The following TMEM164 variants were observed in gnomAD, a reference collection of about 807,000 sequenced individuals.
TMEM164 encodes RP13-360B22.2.
Under a neutral mutation model 18.8 loss-of-function variants are expected in TMEM164, and 4 were observed. The ratio of observed to expected loss-of-function variants is 0.21; its 90% CI spans 0.10 to 0.49. TMEM164 has a LOEUF of 0.49. Ranked by LOEUF, TMEM164 falls within the 20% of genes least tolerant of loss-of-function variation. The pLI is 0.98. For synonymous variants in TMEM164, 86 were observed against 101.7 expected (o/e 0.85, Z 0.93); for missense variants, 108 against 239.9 (o/e 0.45, Z 3.63).
chrX:110,149,987 A>G, intron 5 of TMEM164, among the ~76,000 whole-genome samples: 1 of 111,918 alleles, frequency 8.9e-6, no homozygotes, highest in East Asian at 2.8e-4. Context: ...CCTGATAAGC[A>G]AAAATCAGAC....
chrX:110,141,750 A>T (rs1185832954), intron 4 of TMEM164, among the ~76,000 whole-genome samples: 1 of 112,449 alleles, frequency 8.9e-6, no homozygotes, highest in South Asian at 3.7e-4. Context: ...ATAAGTACTT[A>T]AATATGATTT....
intron 5 of TMEM164, among the ~76,000 whole-genome samples, chrX:110,154,583 C>A (rs1300851869): frequency 9.0e-6 from 1 of 111,344 alleles, no homozygotes; most frequent in African/African-American, 3.3e-5. Flanking sequence ...CCACGCCCGG[C>A]TAGTTTTTGC....
intron 4 of TMEM164, among the ~76,000 whole-genome samples, chrX:110,141,637 C>T (rs2066772046): frequency 8.9e-6 from 1 of 111,940 alleles, no homozygotes; most frequent in South Asian, 3.7e-4. Context: ...TCCCACAGCA[C>T]GTGGGAATTA....
chrX:110,154,845 A>G (rs2066994500), intron 5 of TMEM164, among the ~76,000 whole-genome samples: 1 of 111,773 alleles, frequency 8.9e-6, no homozygotes. Context: ...CTTGCTAGTT[A>G]GTTCTGGCAT....
At chrX:110,167,150 T>TA (rs1007243639) in intron 5 of TMEM164, among the ~76,000 whole-genome samples, 7 of 111,863 alleles carry the variant, frequency 6.3e-5, no homozygotes, top group Non-Finnish European at 1.3e-4. Flanking sequence ...GTCGCCATGA[T>TA]AAAAAATAGC....
chrX:110,113,851 C>T (rs956306085), intron 4 of TMEM164, among the ~76,000 whole-genome samples: 22 of 111,898 alleles, frequency 2.0e-4, no homozygotes, highest in African/African-American at 6.2e-4. Context: ...GCCCATATTA[C>T]AAGTAAGTGC....
chrX:110,020,643 C>T, intron 2 of TMEM164: 1 of 753,895 alleles, frequency 1.3e-6, no homozygotes, highest in African/African-American at 2.3e-5. Context: ...GAGGGTGAGG[C>T]CAAGGAGGAC....
At position 110,175,663 on chromosome X, in the gene TMEM164, G is replaced by A. The variant is rs931260815; in HGVS notation, c.*2212G>A. ...GCCAGAGACAGATCCACCTGTCAGA[G>A]GAAGGAAGAAGTAAAGGGGGCATGC... is the stretch of plus-strand genomic sequence containing the variant. On this transcript the variant is annotated 3_prime_UTR_variant, in exon 7 of 7. Coordinates refer to ENST00000372068, the MANE Select transcript of TMEM164 (RefSeq NM_032227.4). 1 of 674,603 alleles carries A rather than the reference G, an allele frequency of 1.5e-6. No homozygotes were observed. The highest frequency in any genetic ancestry group is 1.8e-6 in the Non-Finnish European group (1 of 566,329). The allele number at this position is 674,603 out of a possible 1,213,427, so 55.6% of individuals were successfully genotyped here.
Position 110,087,989 on chromosome X carries a change from G to A in TMEM164, c.440+20593G>A, listed in dbSNP as rs750849281. ...GCATGGGGGTGGGCATGAGGAACTG[G>A]GGCAGCCTGACACGTGATCTTGGCA... On this transcript the variant is annotated intron_variant, in intron 3 of 6. Coordinates refer to ENST00000372068, the MANE Select transcript of TMEM164 (RefSeq NM_032227.4). Among the ~76,000 whole-genome samples the A allele has an allele frequency of 1.1e-4, 12 of 111,939 alleles. No individual in the cohort carries two copies. In the South Asian group the frequency reaches 4.5e-3, roughly 42 times the overall value.
intron 5 of TMEM164, among the ~76,000 whole-genome samples, chrX:110,169,511 T>A (rs1257445272): frequency 9.0e-6 from 1 of 111,094 alleles, no homozygotes; most frequent in Non-Finnish European, 1.9e-5. Context: ...TCTGCTTGAG[T>A]CCATCCCCTG....
intron 2 of TMEM164, among the ~76,000 whole-genome samples, chrX:110,014,381 G>A (rs1038272873): frequency 1.8e-5 from 2 of 111,756 alleles, no homozygotes; most frequent in South Asian, 3.7e-4. Flanking sequence ...TAATTTCTGC[G>A]GGACAGGGTT....
intron 2 of TMEM164, among the ~76,000 whole-genome samples, chrX:110,016,681 A>G (rs1933391176): frequency 9.1e-6 from 1 of 109,793 alleles, no homozygotes; most frequent in Non-Finnish European, 1.9e-5. Flanking sequence ...TTTTGAAACA[A>G]CGTCTTGCTC....
At chrX:110,171,552 C>G (rs1261873169) in intron 6 of TMEM164, 32 bp downstream of exon 6, 2 of 1,077,212 alleles carry the variant, frequency 1.9e-6, no homozygotes, top group Non-Finnish European at 1.3e-6. Flanking sequence ...TCTATCCCCT[C>G]TGTTTGCAGT....
chrX:110,045,283 A>G lies in TMEM164; in HGVS notation c.391-22064A>G, dbSNP rs754286786. On this transcript the variant is annotated intron_variant, in intron 2 of 6. Transcript: ENST00000372068. ...AATGGTGTTTCCTCTGTAATATGAC[A>G]TATTTAGATTCTTTTACCAGTTTAA... Among the ~76,000 whole-genome samples the G allele has an allele frequency of 1.6e-4, 18 of 111,845 alleles. No homozygotes were observed. In the South Asian group the frequency reaches 6.4e-3, roughly 40 times the overall value.
chrX:110,036,334 C>T (rs1259960139), intron 2 of TMEM164, among the ~76,000 whole-genome samples: 1 of 112,110 alleles, frequency 8.9e-6, no homozygotes, highest in African/African-American at 3.2e-5. Context: ...CCTAGTTCCT[C>T]CTACTCGATA....
At chrX:110,144,251 T>C (rs1263275629) in intron 4 of TMEM164, among the ~76,000 whole-genome samples, 1 of 111,807 alleles carries the variant, frequency 8.9e-6, no homozygotes, top group Non-Finnish European at 1.9e-5. Context: ...TCATCTGGAA[T>C]ATGGGGATAA....
intron 2 of TMEM164, among the ~76,000 whole-genome samples, chrX:110,017,488 CTCCCTCCCTCCCTCCCTCCCTCCCTCCT>C (rs1933495089): frequency 1.9e-4 from 1 of 5,171 alleles, no homozygotes; most frequent in African/African-American, 4.9e-4. Context: ...CCCTCCCTCC[CTCCCTCCCTCCCTCCCTCCCTCCCTCCT>C]TCCTTCCTTC....
rs1463629016 is a variant in TMEM164, at chrX:110,084,376, T to TATACTATATATATA, written c.440+16981_440+16982insTACTATATATATAA. ...ATATATATATAGTATAGTATATATA[T>TATACTATATATATA]AGTGTATATATATATAGTATAGTAT... On this transcript the variant is annotated intron_variant, in intron 3 of 6. Transcript: ENST00000372068. Among the ~76,000 whole-genome samples the TATACTATATATATA allele has an allele frequency of 3.5e-3, 209 of 59,262 alleles. 10 individuals carry two copies. Among genetic ancestry groups the TATACTATATATATA allele is most frequent in the African/African-American group, 0.011 (104 of 9,583 alleles). The allele number at this position is 59,262 out of a possible 115,157, so 51.5% of individuals were successfully genotyped here.
In TMEM164 at chrX:110,177,119, T is replaced by G. The variant is rs1222705940; in HGVS notation, c.*3668T>G. The G allele has an allele frequency of 2.7e-5, 3 of 112,530 alleles. No homozygotes were observed. Among genetic ancestry groups the G allele is most frequent in the Non-Finnish European group, 5.6e-5 (3 of 53,257 alleles). 9.3% of individuals were successfully genotyped at this position (112,530 alleles called of 1,213,427 possible). The stretch of plus-strand genomic sequence containing the variant: ...TTGTTGCTCTCGTCTGTGACATTTT[T>G]GTACACTGGTTTGCTACTCATGGCA... On this transcript the variant is annotated 3_prime_UTR_variant, in exon 7 of 7. Transcript: ENST00000372068.
Sources: allele counts gnomAD v4.1 joint callset (sites outside exome capture counted in the v4.1 genomes callset), GRCh38; gene constraint gnomAD v4.1.1; transcripts MANE v1.5; gene names NCBI Gene and HGNC (gene_info 2026-07-23, HGNC 2026-07-21).